SPON1: variants seen among roughly 807,000 people sequenced by gnomAD.
SPON1 encodes spondin-1.
SPON1 carries 52 observed loss-of-function variants against 111.7 expected under a neutral mutation model. That is an observed-to-expected ratio of 0.47 (90% CI 0.37 to 0.59). The LOEUF is 0.59. Among genes scored for constraint, SPON1 ranks in the 20% least tolerant of loss-of-function variants. The pLI, the probability that SPON1 is intolerant of heterozygous loss-of-function variation, is 0.00. For missense variants in SPON1, 957 were observed against 1,068.5 expected (o/e 0.90, Z 1.46); for synonymous variants, 410 against 395.8 (o/e 1.04, Z -0.43).
intron 3 of SPON1, among the ~76,000 whole-genome samples, chr11:14,066,805 G>A (rs1848835822): frequency 6.6e-6 from 1 of 151,904 alleles, no homozygotes; most frequent in South Asian, 2.1e-4. Flanking sequence ...TTCTTATAAG[G>A]CCTTGTCCAC....
At chr11:13,969,300 C>A (rs1254386905) in intron 1 of SPON1, among the ~76,000 whole-genome samples, 4 of 151,444 alleles carry the variant, frequency 2.6e-5, no homozygotes, top group Non-Finnish European at 5.9e-5. Context: ...GCAGGAGGAT[C>A]TCTTGAGCTG....
At chr11:14,046,321 C>T (rs565065720) in intron 3 of SPON1, among the ~76,000 whole-genome samples, 1 of 152,284 alleles carries the variant, frequency 6.6e-6, no homozygotes, top group African/African-American at 2.4e-5. Flanking sequence ...ACTACAGGAA[C>T]ACAGAGCCCA....
intron 2 of SPON1, among the ~76,000 whole-genome samples, chr11:13,991,532 G>A (rs1848230398): frequency 6.6e-6 from 1 of 152,110 alleles, no homozygotes; most frequent in Non-Finnish European, 1.5e-5. Context: ...TGCTCCTTTA[G>A]CTCAGAGGAG....
chr11:14,147,387 C>T (rs1044272283), intron 6 of SPON1, among the ~76,000 whole-genome samples: 6 of 151,690 alleles, frequency 4.0e-5, no homozygotes, highest in African/African-American at 1.5e-4. Flanking sequence ...TCACAAAACC[C>T]GGAGATCATA....
intron 1 of SPON1, among the ~76,000 whole-genome samples, chr11:13,969,917 G>A (rs1848049462): frequency 6.6e-6 from 1 of 152,212 alleles, no homozygotes; most frequent in Non-Finnish European, 1.5e-5. Context: ...TGACATGCAA[G>A]TACAAAATCT....
intron 5 of SPON1, among the ~76,000 whole-genome samples, chr11:14,093,062 G>A (rs1269748122): frequency 1.3e-5 from 2 of 152,136 alleles, no homozygotes; most frequent in Non-Finnish European, 2.9e-5. Context: ...GAACAGCTTT[G>A]CCCCACTCTA....
intron 5 of SPON1, among the ~76,000 whole-genome samples, chr11:14,093,516 G>GA: frequency 6.6e-6 from 1 of 152,252 alleles, no homozygotes; most frequent in African/African-American, 2.4e-5. Context: ...ATGCATTGAT[G>GA]AAAAGAACAT....
chr11:14,240,296 A>G (rs1848911633), intron 6 of SPON1, among the ~76,000 whole-genome samples: 1 of 152,232 alleles, frequency 6.6e-6, no homozygotes, highest in Non-Finnish European at 1.5e-5. Context: ...CAACAAAAAT[A>G]TTTAGCTTTT....
chr11:14,101,178 T>C (rs562597132), intron 5 of SPON1, among the ~76,000 whole-genome samples: 1 of 152,248 alleles, frequency 6.6e-6, no homozygotes, highest in East Asian at 1.9e-4. Context: ...GGTGGGCGGA[T>C]CACCCAAGGT....
chr11:14,264,480 ACATGT>A (rs1554942234), intron 15 of SPON1, among the ~76,000 whole-genome samples: 35 of 152,212 alleles, frequency 2.3e-4, no homozygotes, highest in Admixed American at 3.9e-4. Context: ...GTGAAGATTA[ACATGT>A]ACATCAAGTT....
chr11:13,996,833 T>G (rs1391771358), intron 2 of SPON1, among the ~76,000 whole-genome samples: 2 of 152,306 alleles, frequency 1.3e-5, no homozygotes, highest in Non-Finnish European at 2.9e-5. Flanking sequence ...GTGAACATAT[T>G]TCAATGAAAT....
At chr11:14,012,382 A>G (rs1345508801) in intron 2 of SPON1, among the ~76,000 whole-genome samples, 1 of 152,026 alleles carries the variant, frequency 6.6e-6, no homozygotes, top group African/African-American at 2.4e-5. Flanking sequence ...TATGACCCCA[A>G]ATGGGGGTCA....
intron 5 of SPON1, among the ~76,000 whole-genome samples, chr11:14,103,127 C>T (rs1849156854): frequency 6.6e-6 from 1 of 152,090 alleles, no homozygotes; most frequent in Non-Finnish European, 1.5e-5. Context: ...AGGAAGGAGA[C>T]GAGGCCCAGG....
intron 13 of SPON1, among the ~76,000 whole-genome samples, 194 bp from the exon 14 acceptor site, chr11:14,260,394 A>T (rs1849158462): frequency 6.6e-6 from 1 of 152,002 alleles, no homozygotes; most frequent in Non-Finnish European, 1.5e-5. Context: ...GATGAAAGAG[A>T]GTGAAAAGAA....
chr11:14,194,226 G>A (rs1474119440), intron 6 of SPON1, among the ~76,000 whole-genome samples: 3 of 152,084 alleles, frequency 2.0e-5, no homozygotes, highest in Admixed American at 6.5e-5. Context: ...ATTGGTGTGC[G>A]AGAGTCAATA....
At chr11:14,022,105 G>A (rs1848485166) in intron 2 of SPON1, among the ~76,000 whole-genome samples, 1 of 152,120 alleles carries the variant, frequency 6.6e-6, no homozygotes, top group Non-Finnish European at 1.5e-5. Context: ...AAGAATAAAA[G>A]AAAAAGCCAA....
At chr11:14,148,915 G>A (rs1055962237) in intron 6 of SPON1, among the ~76,000 whole-genome samples, 1 of 152,150 alleles carries the variant, frequency 6.6e-6, no homozygotes, top group African/African-American at 2.4e-5. Context: ...ATTCATTCAT[G>A]CATCAAACAC....
intron 5 of SPON1, among the ~76,000 whole-genome samples, chr11:14,130,404 A>G (rs1458348603): frequency 6.6e-6 from 1 of 152,216 alleles, no homozygotes; most frequent in Non-Finnish European, 1.5e-5. Flanking sequence ...CCTGCGAAGA[A>G]TGACATAACA....
intron 2 of SPON1, among the ~76,000 whole-genome samples, chr11:14,014,893 TCATTG>T (rs1200520876): frequency 6.6e-6 from 1 of 152,234 alleles, no homozygotes; most frequent in Non-Finnish European, 1.5e-5. Context: ...TTTAAATGTC[TCATTG>T]TATAGATGTT....
Sources: allele counts gnomAD v4.1 joint callset (sites outside exome capture counted in the v4.1 genomes callset), GRCh38; gene constraint gnomAD v4.1.1; transcripts MANE v1.5; gene names NCBI Gene and HGNC (gene_info 2026-07-23, HGNC 2026-07-21).